ZBTB20: variants seen among roughly 807,000 people sequenced by gnomAD.
The protein encoded by ZBTB20 is zinc finger and BTB domain-containing protein 20.
In ZBTB20, 9 loss-of-function variants were observed where a neutral mutation model predicts 56.9. That is an observed-to-expected ratio of 0.16 (90% CI 0.10 to 0.28). The LOEUF (loss-of-function observed/expected upper bound fraction) is 0.28. Among genes scored for constraint, ZBTB20 ranks in the 10% least tolerant of loss-of-function variants. The pLI is 1.00. For missense variants in ZBTB20, 655 were observed against 1,003.0 expected (o/e 0.65, Z 4.69); for synonymous variants, 417 against 420.7 (o/e 0.99, Z 0.11).
At chr3:114,940,956 A>C (rs904196422) in intron 3 of ZBTB20, among the ~76,000 whole-genome samples, 1 of 146,320 alleles carries the variant, frequency 6.8e-6, no homozygotes, top group Non-Finnish European at 1.5e-5. Flanking sequence ...TGAAGGAATT[A>C]ATCCAAGCCC....
At chr3:114,389,887 CAAA>C (rs34247337) in intron 7 of ZBTB20, among the ~76,000 whole-genome samples, 3 of 77,628 alleles carry the variant, frequency 3.9e-5, no homozygotes, top group Non-Finnish European at 2.2e-5. Context: ...GAGTCCATCT[CAAA>C]AAAAAAAAAA....
At chr3:114,693,392 G>C (rs1020449990) in intron 6 of ZBTB20, 136 bp downstream of exon 6, 2 of 152,162 alleles carry the variant, frequency 1.3e-5, no homozygotes, top group East Asian at 3.9e-4. Context: ...TCAAAATTTA[G>C]TATTGCTAAA....
intron 2 of ZBTB20, among the ~76,000 whole-genome samples, chr3:115,006,974 G>C (rs772932215): frequency 6.6e-6 from 1 of 151,462 alleles, no homozygotes; most frequent in Non-Finnish European, 1.5e-5. Context: ...ATTTAATGTA[G>C]CAATACCAGA....
In ZBTB20 at chr3:114,318,365, G is replaced by C. The variant is rs2078768797; in HGVS notation, c.*20640C>G. The C allele has an allele frequency of 6.6e-6, 1 of 152,338 alleles. No homozygotes were observed. The highest frequency in any genetic ancestry group is 1.5e-5 in the Non-Finnish European group (1 of 68,158). The allele number at this position is 152,338 out of a possible 1,614,324, so 9.4% of individuals were successfully genotyped here. On this transcript the variant is annotated 3_prime_UTR_variant, in exon 12 of 12. Coordinates refer to ENST00000675478, the MANE Select transcript of ZBTB20 (RefSeq NM_001348800.3). ...CCCCCTGCTCCCATCCATGGAATGT[G>C]GGCTGCTGAGAAAGGCAGAGCCAGG...
chr3:114,425,167 A>C (rs978975043), intron 7 of ZBTB20, among the ~76,000 whole-genome samples: 7 of 149,958 alleles, frequency 4.7e-5, no homozygotes, highest in African/African-American at 1.8e-4. Context: ...CAGCTGAAGC[A>C]GTGATAGAGA....
At chr3:114,702,882 T>C (rs948092458) in intron 5 of ZBTB20, among the ~76,000 whole-genome samples, 1 of 152,046 alleles carries the variant, frequency 6.6e-6, no homozygotes, top group Non-Finnish European at 1.5e-5. Flanking sequence ...CACTGTAGAG[T>C]ATGCCAACTT....
intron 7 of ZBTB20, among the ~76,000 whole-genome samples, chr3:114,483,015 G>T (rs1318965462): frequency 2.6e-5 from 4 of 152,126 alleles, no homozygotes; most frequent in Non-Finnish European, 4.4e-5. Context: ...AGCAGTACTG[G>T]TCAGATAGTT....
chr3:114,471,757 G>A (rs944171406), intron 7 of ZBTB20, among the ~76,000 whole-genome samples: 8 of 152,128 alleles, frequency 5.3e-5, no homozygotes, highest in East Asian at 1.9e-4. Context: ...AAAACATCTC[G>A]CTTCATGTGT....
intron 4 of ZBTB20, among the ~76,000 whole-genome samples, chr3:114,809,966 C>T (rs142187307): frequency 2.6e-5 from 4 of 152,192 alleles, no homozygotes; most frequent in African/African-American, 9.6e-5. Context: ...TTTCCATTTT[C>T]GTTTTTGAGC....
intron 5 of ZBTB20, among the ~76,000 whole-genome samples, chr3:114,724,362 A>G (rs1364539249): frequency 6.6e-6 from 1 of 152,238 alleles, no homozygotes; most frequent in Non-Finnish European, 1.5e-5. Flanking sequence ...GTTGACTAAC[A>G]TCATAGAATC....
rs1419024037 is a variant in ZBTB20 at position 114,698,038 on chromosome 3, CA to C, written c.-342-4464del. On this transcript the variant is annotated intron_variant, in intron 5 of 11. Coordinates refer to ENST00000675478, the MANE Select transcript of ZBTB20 (RefSeq NM_001348800.3). ...ATTTCACTATACTGTCAGACTCCTCCATATGCATCTATTTATGATTCTCTCT... is the reference window on the plus strand; with the variant it reads ...ATTTCACTATACTGTCAGACTCCTCCTATGCATCTATTTATGATTCTCTCT... Among the ~76,000 whole-genome samples the C allele has an allele frequency of 5.3e-5, 8 of 152,068 alleles. 1 individual carries two copies. Among genetic ancestry groups the C allele is most frequent in the Admixed American group, 5.3e-4 (8 of 15,236 alleles).
At chr3:114,480,831 T>C (rs906236929) in intron 7 of ZBTB20, among the ~76,000 whole-genome samples, 1 of 152,128 alleles carries the variant, frequency 6.6e-6, no homozygotes, top group African/African-American at 2.4e-5. Context: ...TTTTTTTTTT[T>C]TTAAACAGTT....
At chr3:114,484,798 A>AGTCTGT (rs2041928790) in intron 7 of ZBTB20, among the ~76,000 whole-genome samples, 1 of 150,494 alleles carries the variant, frequency 6.6e-6, no homozygotes, top group African/African-American at 2.4e-5. Flanking sequence ...ATATCAATAG[A>AGTCTGT]GTGTGTGTGT....
chr3:115,083,571 C>T (rs1389373607), intron 1 of ZBTB20, among the ~76,000 whole-genome samples: 1 of 151,954 alleles, frequency 6.6e-6, no homozygotes, highest in African/African-American at 2.4e-5. Flanking sequence ...TATTTTAGAA[C>T]ATTTGACTAC....
intron 4 of ZBTB20, among the ~76,000 whole-genome samples, chr3:114,826,170 G>T (rs2073513167): frequency 6.6e-6 from 1 of 151,726 alleles, no homozygotes; most frequent in Admixed American, 6.6e-5. Context: ...GTATGGTTGA[G>T]ATTAAAGCCA....
chr3:114,672,173 C>CAT (rs2061392727), intron 6 of ZBTB20, among the ~76,000 whole-genome samples: 2 of 152,120 alleles, frequency 1.3e-5, no homozygotes, highest in Admixed American at 6.5e-5. Flanking sequence ...AAATAATAGT[C>CAT]AAATTGCTCA....
intron 10 of ZBTB20, among the ~76,000 whole-genome samples, chr3:114,357,438 C>T (rs2108281261): frequency 6.6e-6 from 1 of 152,288 alleles, no homozygotes; most frequent in South Asian, 2.1e-4. Flanking sequence ...GTATTTACAA[C>T]ACCATTCTAT....
At chr3:114,879,755 C>T (rs978283397) in intron 4 of ZBTB20, among the ~76,000 whole-genome samples, 13 of 152,132 alleles carry the variant, frequency 8.5e-5, no homozygotes, top group African/African-American at 3.1e-4. Flanking sequence ...ATTTTCTACA[C>T]TCTAACATAT....
chr3:115,063,540 A>C (rs1436782287), intron 2 of ZBTB20, among the ~76,000 whole-genome samples: 1 of 152,154 alleles, frequency 6.6e-6, no homozygotes, highest in Non-Finnish European at 1.5e-5. Context: ...ATGCCATCAC[A>C]TTAAAGATTA....
Sources: allele counts gnomAD v4.1 joint callset (sites outside exome capture counted in the v4.1 genomes callset), GRCh38; gene constraint gnomAD v4.1.1; transcripts MANE v1.5; gene names NCBI Gene and HGNC (gene_info 2026-07-23, HGNC 2026-07-21).